ZCCHC2: variants seen among roughly 807,000 people sequenced by gnomAD.
ZCCHC2 encodes the protein zinc finger CCHC domain-containing protein 2.
In ZCCHC2, 39 loss-of-function variants were observed where a neutral mutation model predicts 103.6. That is an observed-to-expected ratio of 0.38 (90% CI 0.29 to 0.49). The LOEUF (loss-of-function observed/expected upper bound fraction) is 0.49. Among genes scored for constraint, ZCCHC2 ranks in the 20% least tolerant of loss-of-function variants. The pLI, the probability that ZCCHC2 is intolerant of heterozygous loss-of-function variation, is 0.96. For synonymous variants in ZCCHC2, 687 were observed against 608.9 expected (o/e 1.13, Z -1.89); for missense variants, 1,483 against 1,491.0 (o/e 0.99, Z 0.09).
Position 62,524,101 on chromosome 18 carries a change from A to G in ZCCHC2, c.677A>G (p.Asp226Gly). ...GAGGACGAGCGCGGCGAGGACGGCG[A>G]CGGCGAGCAGGACGCCGAGAAGGAC... ...GAEDERGEDG[D>G]GEQDAEKDGS... is the part of the protein sequence containing the mutation. Residue 226 changes from aspartate (D) to glycine (G), a missense_variant, in exon 1 of 14, where the codon GAC (aspartate) becomes GGC (glycine). Coordinates refer to ENST00000269499, the MANE Select transcript of ZCCHC2 (RefSeq NM_017742.6). The G allele has an allele frequency of 7.2e-6, 11 of 1,520,278 alleles. No individual in the cohort carries two copies. Among genetic ancestry groups the G allele is most frequent in the Non-Finnish European group, 9.7e-6 (11 of 1,139,196 alleles). 94.2% of individuals were successfully genotyped at this position (1,520,278 alleles called of 1,614,324 possible).
At chr18:62,542,901 C>G (rs1293178066) in intron 3 of ZCCHC2, among the ~76,000 whole-genome samples, 2 of 152,030 alleles carry the variant, frequency 1.3e-5, no homozygotes, top group Non-Finnish European at 2.9e-5. Flanking sequence ...ATTGTTCTCC[C>G]TGGTATTTTC....
intron 2 of ZCCHC2, among the ~76,000 whole-genome samples, chr18:62,541,893 T>G (rs1462014525): frequency 6.6e-6 from 1 of 152,246 alleles, no homozygotes; most frequent in Non-Finnish European, 1.5e-5. Context: ...GTTTACTATT[T>G]TATCTCTGTA....
chr18:62,554,241 T>G (rs1408545030), intron 5 of ZCCHC2, among the ~76,000 whole-genome samples: 1 of 152,178 alleles, frequency 6.6e-6, no homozygotes, highest in Non-Finnish European at 1.5e-5. Context: ...GTCTCAGAAG[T>G]GTAGCAGTTA....
At chr18:62,556,121 A>T in intron 5 of ZCCHC2, 82 bp from the exon 6 acceptor site, 2 of 1,111,344 alleles carry the variant, frequency 1.8e-6, no homozygotes, top group African/African-American at 1.6e-5. Flanking sequence ...CTGCCACTTC[A>T]TTCTGCTTTA....
chr18:62,560,547 C>G (rs747106220), intron 7 of ZCCHC2, 40 bp from the exon 8 acceptor site: 44 of 1,572,622 alleles, frequency 2.8e-5, no homozygotes, highest in Non-Finnish European at 3.6e-5. Context: ...GTTTTTGCTG[C>G]AGCATTTAGT....
At chr18:62,544,763 G>T in intron 3 of ZCCHC2, 39 bp from the exon 4 acceptor site, 1 of 1,502,352 alleles carries the variant, frequency 6.7e-7, no homozygotes, top group African/African-American at 1.4e-5. Context: ...TTCCTGCCTA[G>T]GGAATAACCA....
intron 1 of ZCCHC2, among the ~76,000 whole-genome samples, chr18:62,534,302 A>T (rs1003330269): frequency 7.8e-6 from 1 of 128,024 alleles, no homozygotes; most frequent in East Asian, 2.4e-4. Context: ...ACAGAGGGAG[A>T]TCCTGTCTTA....
At chr18:62,551,251 C>G (rs1915650388) in intron 5 of ZCCHC2, 1 of 152,390 alleles carries the variant, frequency 6.6e-6, no homozygotes, top group Admixed American at 6.5e-5. Flanking sequence ...GGAGAACAAC[C>G]TGATGAAGGA....
chr18:62,523,679 C>CG lies in ZCCHC2; in HGVS notation c.261dup (p.Pro88AlafsTer233). On this transcript the variant is annotated frameshift_variant, in exon 1 of 14. Transcript: ENST00000269499. LOFTEE classifies it high-confidence loss of function. ...CGGGGGCGGGTATGCCGGGCGGCGG[C>CG]GGGGGGCCCTCGGCGGCGCTGCGCG... The CG allele has an allele frequency of 2.2e-6, 3 of 1,374,488 alleles. No homozygotes were observed. Among genetic ancestry groups the CG allele is most frequent in the South Asian group, 1.7e-5 (1 of 59,352 alleles). 85.1% of individuals were successfully genotyped at this position (1,374,488 alleles called of 1,614,324 possible). A position where few individuals can be genotyped will look rare whatever the true frequency, so the allele number is the denominator to read the frequency against.
chr18:62,533,983 G>T (rs867737970), intron 1 of ZCCHC2, among the ~76,000 whole-genome samples: 2 of 152,056 alleles, frequency 1.3e-5, no homozygotes, highest in Non-Finnish European at 2.9e-5. Flanking sequence ...TATAGGATAG[G>T]TACAGTTATT....
chr18:62,545,105 A>G (rs1448331142), intron 4 of ZCCHC2, among the ~76,000 whole-genome samples: 1 of 152,124 alleles, frequency 6.6e-6, no homozygotes, highest in Non-Finnish European at 1.5e-5. Flanking sequence ...AAAAATGGAG[A>G]CCGGGTGCGG....
intron 2 of ZCCHC2, 116 bp from the exon 3 acceptor site, chr18:62,542,382 A>T: frequency 1.5e-6 from 1 of 669,810 alleles, no homozygotes; most frequent in Non-Finnish European, 2.5e-6. Flanking sequence ...AGTCATAAAG[A>T]TGAAAGTGAG....
At chr18:62,542,191 T>G (rs1429258790) in intron 2 of ZCCHC2, among the ~76,000 whole-genome samples, 1 of 152,226 alleles carries the variant, frequency 6.6e-6, no homozygotes, top group Non-Finnish European at 1.5e-5. Context: ...AAAAATATTT[T>G]AATTGCAGGT....
intron 1 of ZCCHC2, among the ~76,000 whole-genome samples, chr18:62,532,283 AATTACTTG>A (rs1248354603): frequency 1.3e-5 from 2 of 152,160 alleles, no homozygotes; most frequent in Admixed American, 6.5e-5. Context: ...AGTCACTCCA[AATTACTTG>A]ATGACCTTGA....
chr18:62,549,149 G>A (rs1915552741), intron 4 of ZCCHC2, among the ~76,000 whole-genome samples: 1 of 152,094 alleles, frequency 6.6e-6, no homozygotes, highest in African/African-American at 2.4e-5. Flanking sequence ...AACCCGGGAG[G>A]TGGAGCTTGC....
intron 1 of ZCCHC2, among the ~76,000 whole-genome samples, chr18:62,536,429 T>C (rs983020446): frequency 9.9e-5 from 15 of 151,806 alleles, no homozygotes; most frequent in Non-Finnish European, 1.5e-5. Context: ...AACTAGTCTT[T>C]GTAAAATACT....
intron 1 of ZCCHC2, among the ~76,000 whole-genome samples, chr18:62,537,801 A>G (rs1004854257): frequency 3.9e-5 from 6 of 152,184 alleles, no homozygotes; most frequent in African/African-American, 1.4e-4. Flanking sequence ...TTAGAAGTGG[A>G]ATTGCTGGGT....
At position 62,575,077 on chromosome 18, in the gene ZCCHC2, G is replaced by C; in HGVS notation, c.2996G>C (p.Gly999Ala). Residue 999 changes from glycine to alanine, a missense_variant, in exon 13 of 14, where the codon GGG becomes GCG. Around this residue, in one of 3 missense-constraint regions of ZCCHC2, gnomAD observed 884 missense variants for 907.5 expected, o/e 0.97. Coordinates refer to ENST00000269499, the MANE Select transcript of ZCCHC2 (RefSeq NM_017742.6). ...GCTGTGGGGAACACGAACGCTAATGGGACAGTAGTGCCACCGCAGCAGATG... is the reference window on the plus strand; with the variant it reads ...GCTGTGGGGAACACGAACGCTAATGCGACAGTAGTGCCACCGCAGCAGATG... The part of the protein sequence containing the change: ...ISAVGNTNAN[G>A]TVVPPQQMGS... 6.2e-7 allele frequency: 1 copy of C among 1,613,984 alleles called. No homozygotes were observed. The highest frequency in any genetic ancestry group is 8.5e-7 in the Non-Finnish European group (1 of 1,179,894).
intron 7 of ZCCHC2, among the ~76,000 whole-genome samples, chr18:62,560,009 A>T (rs2145518073): frequency 6.6e-6 from 1 of 152,378 alleles, no homozygotes; most frequent in Non-Finnish European, 1.5e-5. Flanking sequence ...ACTGAAGGAC[A>T]GTTGTATATT....
Sources: allele counts gnomAD v4.1 joint callset (sites outside exome capture counted in the v4.1 genomes callset), GRCh38; gene constraint gnomAD v4.1.1; regional missense constraint gnomAD v4.1.1; transcripts MANE v1.5; gene names NCBI Gene and HGNC (gene_info 2026-07-23, HGNC 2026-07-21).